Variants in PDZRN3 observed in about 807,000 individuals in gnomAD.
PDZRN3 encodes PDZ domain containing ring finger 3.
A neutral mutation model predicts 85.7 loss-of-function variants in PDZRN3; 38 were observed. The ratio of observed to expected loss-of-function variants is 0.44; its 90% CI spans 0.34 to 0.58. The LOEUF (loss-of-function observed/expected upper bound fraction) is 0.58, where lower values mean the gene tolerates loss of function less well. Among genes scored for constraint, PDZRN3 ranks in the 20% least tolerant of loss-of-function variants. The pLI is 0.01. For synonymous variants in PDZRN3, 759 were observed against 638.0 expected (o/e 1.19, Z -2.86); for missense variants, 1,629 against 1,506.4 (o/e 1.08, Z -1.35).
chr3:73,507,947 G>A (rs1362217141), intron 3 of PDZRN3, among the ~76,000 whole-genome samples: 2 of 152,012 alleles, frequency 1.3e-5, no homozygotes, highest in Non-Finnish European at 1.5e-5. Flanking sequence ...ACAAAAATTA[G>A]CCAGGCATGG....
At chr3:73,493,962 T>G (rs1703822486) in intron 3 of PDZRN3, among the ~76,000 whole-genome samples, 1 of 152,256 alleles carries the variant, frequency 6.6e-6, no homozygotes. Flanking sequence ...CACAGCTAAG[T>G]AAATTGAAAG....
intron 3 of PDZRN3, among the ~76,000 whole-genome samples, chr3:73,521,126 C>T (rs1266157753): frequency 6.6e-6 from 1 of 152,128 alleles, no homozygotes; most frequent in East Asian, 1.9e-4. Flanking sequence ...GAGACAGGCA[C>T]GGGGAAGTGC....
At chr3:73,514,613 G>A (rs1704224479) in intron 3 of PDZRN3, among the ~76,000 whole-genome samples, 1 of 152,140 alleles carries the variant, frequency 6.6e-6, no homozygotes, top group Non-Finnish European at 1.5e-5. Flanking sequence ...TCTATATTTT[G>A]CACTTCTCAT....
intron 3 of PDZRN3, among the ~76,000 whole-genome samples, chr3:73,444,915 A>C (rs1171235675): frequency 6.6e-6 from 1 of 152,234 alleles, no homozygotes; most frequent in Non-Finnish European, 1.5e-5. Context: ...CTAGAGATGA[A>C]GCAGGTACAT....
In PDZRN3 at chr3:73,416,876, G is replaced by T. The variant is rs28378350; in HGVS notation, c.919-12481C>A. On this transcript the variant is annotated intron_variant, in intron 3 of 9. Coordinates refer to ENST00000263666, the MANE Select transcript of PDZRN3 (RefSeq NM_015009.3). ...TTTTTTTTTTGTTTGTTTTTTTTTG[G>T]TTTTTTTTTTTTTTTTTTTTTTTTT... 9.4e-3 allele frequency among the ~76,000 whole-genome samples: 1,038 copies of T among 110,346 alleles called. 14 individuals carry two copies. The highest frequency in any genetic ancestry group is 0.03 in the African/African-American group (851 of 28,528). 72.4% of individuals were successfully genotyped at this position (110,346 alleles called of 152,430 possible).
chr3:73,474,823 G>A (rs1703417595), intron 3 of PDZRN3, among the ~76,000 whole-genome samples: 1 of 152,132 alleles, frequency 6.6e-6, no homozygotes, highest in Admixed American at 6.6e-5. Context: ...TGGATGGTGA[G>A]GTTCATGACC....
Position 73,457,716 on chromosome 3 carries a change from G to C in PDZRN3, c.919-53321C>G, listed in dbSNP as rs112508418. ...ACCAATGTGACGGTGTTAGGAGGTGGGGCTTTTGGCAGGTGATTCTGAGAC... is the reference window on the plus strand; with the variant it reads ...ACCAATGTGACGGTGTTAGGAGGTGCGGCTTTTGGCAGGTGATTCTGAGAC... On this transcript the variant is annotated intron_variant, in intron 3 of 9. Transcript: ENST00000263666. Among the ~76,000 whole-genome samples the C allele has an allele frequency of 1.6e-3, 245 of 152,206 alleles. 1 individual carries two copies. The highest frequency in any genetic ancestry group is 2.3e-3 in the Non-Finnish European group (157 of 68,000).
rs556054711 is a variant in PDZRN3 at position 73,450,820 on chromosome 3, G to A, written c.919-46425C>T. Among the ~76,000 whole-genome samples the A allele has an allele frequency of 5.4e-4, 82 of 152,156 alleles. 1 individual carries two copies. The highest frequency in any genetic ancestry group is 1.9e-3 in the African/African-American group (79 of 41,504). On this transcript the variant is annotated intron_variant, in intron 3 of 9. Coordinates refer to ENST00000263666, the MANE Select transcript of PDZRN3 (RefSeq NM_015009.3). ...GCAGACTGGCTGGTGCTGCCCATCA[G>A]AAGCCTTAATTCTTTTCACCCTCTG...
In PDZRN3 at chr3:73,596,024, A is replaced by C. The variant is rs552502038; in HGVS notation, c.918+6330T>G. ...AAATGAAGCTAGAGGTCCTTGAAAA[A>C]AATGCACATGTCAGAAGTGGAGCAA... On this transcript the variant is annotated intron_variant, in intron 3 of 9. Transcript: ENST00000263666. Among the ~76,000 whole-genome samples the C allele has an allele frequency of 3.6e-4, 55 of 152,328 alleles. No homozygotes were observed. In the South Asian group the frequency reaches 0.011, roughly 32 times the overall value.
At chr3:73,408,595 G>C (rs991014188) in intron 3 of PDZRN3, among the ~76,000 whole-genome samples, 4 of 151,750 alleles carry the variant, frequency 2.6e-5, no homozygotes, top group Non-Finnish European at 2.9e-5. Flanking sequence ...AGGAGGGGGG[G>C]GGGTGCAACA....
At chr3:73,483,022 G>C (rs373229044) in intron 3 of PDZRN3, among the ~76,000 whole-genome samples, 1 of 152,198 alleles carries the variant, frequency 6.6e-6, no homozygotes, top group Non-Finnish European at 1.5e-5. Context: ...GAACAGAAGA[G>C]AACAAACACG....
rs1703112152 is a variant in PDZRN3, at chr3:73,461,915, A to ATG, written c.919-57521_919-57520insCA. On this transcript the variant is annotated intron_variant, in intron 3 of 9. Coordinates refer to ENST00000263666, the MANE Select transcript of PDZRN3 (RefSeq NM_015009.3). The stretch of plus-strand genomic sequence containing the variant: ...GTCATCTCCCAGATACTCTCGGGTG[A>ATG]CACTGTAGCTAGAGTAATGAAGAAA... Among the ~76,000 whole-genome samples, 3 of 152,324 alleles carry ATG rather than the reference A, an allele frequency of 2.0e-5. No individual in the cohort carries two copies. In the South Asian group the frequency reaches 6.2e-4, roughly 32 times the overall value.
chr3:73,588,874 T>C (rs552377722), intron 3 of PDZRN3, among the ~76,000 whole-genome samples: 3 of 152,216 alleles, frequency 2.0e-5, no homozygotes, highest in South Asian at 4.2e-4. Flanking sequence ...GAAACACTTG[T>C]TTAGGTTTGA....
intron 3 of PDZRN3, among the ~76,000 whole-genome samples, chr3:73,542,448 C>T (rs565747210): frequency 1.3e-5 from 2 of 152,248 alleles, no homozygotes; most frequent in East Asian, 1.9e-4. Context: ...AAGTCTTCCA[C>T]GTGGACCATG....
chr3:73,429,783 C>T (rs755637173), intron 3 of PDZRN3, among the ~76,000 whole-genome samples: 12 of 152,170 alleles, frequency 7.9e-5, no homozygotes, highest in Non-Finnish European at 2.9e-5. Flanking sequence ...AGGACATCAG[C>T]GTTCTCAAAT....
chr3:73,573,675 G>A (rs1191986504), intron 3 of PDZRN3, among the ~76,000 whole-genome samples: 1 of 152,148 alleles, frequency 6.6e-6, no homozygotes, highest in East Asian at 1.9e-4. Flanking sequence ...TGTAAAAGGT[G>A]AGCGTCAGAG....
rs552962888 is a variant in PDZRN3 at position 73,582,472 on chromosome 3, C to A, written c.918+19882G>T. On this transcript the variant is annotated intron_variant, in intron 3 of 9. Transcript: ENST00000263666. ...TCAATACTTCCTATACCTATACTAA[C>A]AAAAATAAATTTTAAAACAAAATGT... Among the ~76,000 whole-genome samples, 17 of 152,072 alleles carry A rather than the reference C, an allele frequency of 1.1e-4. No individual in the cohort carries two copies. The East Asian group carries it at 3.1e-3, about 28-fold the overall frequency.
In PDZRN3 at chr3:73,391,044, C is replaced by G. The variant is rs749294495; in HGVS notation, c.1327G>C (p.Asp443His). ...TCACTGATATAAATCCCAATGTCGT[C>G]TTCATCGTCCGTCCGGTAGCACACA... ...LTVCYRTDDE[D>H]DIGIYISEID... The change falls in exon 6 of 10, where the codon GAC becomes CAC. Residue 443 changes from aspartate to histidine, a missense_variant. Asp to His is a moderately conservative substitution (Grantham distance 81). Transcript: ENST00000263666. 3.1e-6 allele frequency: 5 copies of G among 1,613,500 alleles called. 1 individual carries two copies. In the South Asian group the frequency reaches 5.5e-5, roughly 18 times the overall value.
chr3:73,602,483 A>T, intron 2 of PDZRN3, 22 bp from the exon 3 acceptor site: 2 of 1,105,692 alleles, frequency 1.8e-6, no homozygotes, highest in Non-Finnish European at 2.8e-6. Flanking sequence ...AAAAAAAAAC[A>T]TGCATGAATG....
Sources: allele counts gnomAD v4.1 joint callset (sites outside exome capture counted in the v4.1 genomes callset), GRCh38; gene constraint gnomAD v4.1.1; transcripts MANE v1.5; gene names NCBI Gene and HGNC (gene_info 2026-07-23, HGNC 2026-07-21).